The following TMC2 variants were observed in gnomAD, a reference collection of about 807,000 sequenced individuals.
TMC2 encodes the protein transmembrane channel-like protein 2.
A neutral mutation model predicts 105.9 loss-of-function variants in TMC2; 102 were observed. The observed-to-expected ratio is 0.96, with a 90% CI of 0.82 to 1.14. The LOEUF (loss-of-function observed/expected upper bound fraction) is 1.14. Among genes scored for constraint, TMC2 ranks in the 50% most tolerant of loss-of-function variants. TMC2 has a pLI of 0.00. For synonymous variants in TMC2, 402 were observed against 422.8 expected (o/e 0.95, Z 0.60); for missense variants, 1,093 against 1,134.3 (o/e 0.96, Z 0.52).
intron 6 of TMC2, among the ~76,000 whole-genome samples, chr20:2,579,444 C>A (rs189202910): frequency 5.3e-5 from 8 of 150,206 alleles, no homozygotes; most frequent in Non-Finnish European, 1.0e-4. Flanking sequence ...ATTTTTGAGA[C>A]AGAGTCTCGC....
intron 3 of TMC2, among the ~76,000 whole-genome samples, chr20:2,560,731 G>T (rs948668313): frequency 6.6e-6 from 1 of 152,010 alleles, no homozygotes; most frequent in Non-Finnish European, 1.5e-5. Flanking sequence ...CAGCTACTCC[G>T]GAGGCTAAGG....
chr20:2,619,396 A>G (rs2086508555), intron 16 of TMC2, among the ~76,000 whole-genome samples: 1 of 152,148 alleles, frequency 6.6e-6, no homozygotes, highest in Non-Finnish European at 1.5e-5. Flanking sequence ...TAGGAATAAG[A>G]GTTCCTACAT....
chr20:2,596,925 C>T (rs1474537428), intron 9 of TMC2, among the ~76,000 whole-genome samples: 1 of 152,028 alleles, frequency 6.6e-6, no homozygotes, highest in Non-Finnish European at 1.5e-5. Context: ...TTTATTACCT[C>T]ATTGATACCA....
At chr20:2,572,360 T>C (rs1020891957) in intron 5 of TMC2, 91 bp downstream of exon 5, 3 of 975,334 alleles carry the variant, frequency 3.1e-6, no homozygotes, top group Admixed American at 2.0e-5. Flanking sequence ...AGCTTCGCCA[T>C]TTGTGTCCAG....
rs6037157 is a variant in TMC2, at chr20:2,632,124, C to T, written c.2307-3802C>T. 2.4e-3 allele frequency among the ~76,000 whole-genome samples: 365 copies of T among 151,936 alleles called. 1 individual carries two copies. Among genetic ancestry groups the T allele is most frequent in the African/African-American group, 8.0e-3 (331 of 41,402 alleles). On this transcript the variant is annotated intron_variant, in intron 17 of 19. Transcript: ENST00000358864. ...GCAGCCTCCACCTCCCAGGTTCCAG[C>T]GATTCTCCTGCCTCAGCCTGTCGAG...
At position 2,558,272 on chromosome 20, in the gene TMC2, A is replaced by T; in HGVS notation, c.83-184A>T. 7.2e-7 allele frequency: 1 copy of T among 1,393,546 alleles called. No homozygotes were observed. Among genetic ancestry groups the T allele is most frequent in the Non-Finnish European group, 9.5e-7 (1 of 1,054,558 alleles). 86.3% of individuals were successfully genotyped at this position (1,393,546 alleles called of 1,614,324 possible). ...ACCTTCCTGCTTCTGCAGTTTTCTTAGTTTCCTTCAGCTTAAAATACTCAA... is the reference window on the plus strand; with the variant it reads ...ACCTTCCTGCTTCTGCAGTTTTCTTTGTTTCCTTCAGCTTAAAATACTCAA... On this transcript the variant is annotated intron_variant, in intron 2 of 19. Coordinates refer to ENST00000358864, the MANE Select transcript of TMC2 (RefSeq NM_080751.3). The surrounding 1 kb of genome is among the most constrained non-coding windows in gnomAD (Gnocchi z 4.6).
chr20:2,581,872 TG>T (rs1341580861), intron 7 of TMC2, among the ~76,000 whole-genome samples: 2 of 152,122 alleles, frequency 1.3e-5, no homozygotes, highest in Admixed American at 1.3e-4. Context: ...ACTTAGTGAT[TG>T]GTGCATTCCA....
In TMC2 at chr20:2,641,328, A is replaced by T; in HGVS notation, c.2698A>T (p.Ser900Cys). 1 of 1,613,826 alleles carries T rather than the reference A, an allele frequency of 6.2e-7. No homozygotes were observed. The highest frequency in any genetic ancestry group is 8.5e-7 in the Non-Finnish European group (1 of 1,179,760). ...THPWRSASGK[S>C]AQRPPH Reference sequence around the variant, plus strand: ...TCCGTGGAGGTCAGCCTCTGGAAAGAGTGCTCAGAGACCTCCCCACTGATG... The same window carrying T: ...TCCGTGGAGGTCAGCCTCTGGAAAGTGTGCTCAGAGACCTCCCCACTGATG... The change falls in exon 20 of 20, where the codon AGT becomes TGT. Residue 900 changes from serine to cysteine, a missense_variant. Ser to Cys is a moderately radical substitution (Grantham distance 112). Coordinates refer to ENST00000358864, the MANE Select transcript of TMC2 (RefSeq NM_080751.3).
chr20:2,588,899 G>A (rs774246152), intron 7 of TMC2, among the ~76,000 whole-genome samples: 6 of 151,764 alleles, frequency 4.0e-5, no homozygotes, highest in Non-Finnish European at 1.5e-5. Context: ...TTTTAATTTC[G>A]ATGATCACAT....
Position 2,613,211 on chromosome 20 carries a change from G to A in TMC2, c.1761G>A (p.Thr587=), listed in dbSNP as rs146684109. ...TAVGIEFMRL[T]VSDMLVTYIT... Reference sequence around the variant, plus strand: ...CTCTGCAGGAATTCATGAGGCTGACGGTGTCTGACATGCTGGTAACGTACA... The same window carrying A: ...CTCTGCAGGAATTCATGAGGCTGACAGTGTCTGACATGCTGGTAACGTACA... The change falls in exon 14 of 20, where the codon ACG becomes ACA. Residue 587 remains threonine, a synonymous_variant. Transcript: ENST00000358864. 1,614 of 1,613,488 alleles carry A rather than the reference G, an allele frequency of 1.0e-3. 3 individuals are homozygous for A. Among genetic ancestry groups the A allele is most frequent in the Admixed American group, 1.4e-3 (86 of 59,992 alleles).
intron 17 of TMC2, among the ~76,000 whole-genome samples, chr20:2,625,040 C>T (rs1395093586): frequency 3.9e-5 from 6 of 152,168 alleles, no homozygotes; most frequent in African/African-American, 1.2e-4. Context: ...CTCTGTATCC[C>T]CGGTGCCAGC....
chr20:2,549,770 CAG>C (rs1393951449), intron 2 of TMC2, among the ~76,000 whole-genome samples: 1 of 152,148 alleles, frequency 6.6e-6, no homozygotes, highest in Non-Finnish European at 1.5e-5. Flanking sequence ...CCTTTATCTT[CAG>C]AAAAACTTCT....
chr20:2,582,417 G>A (rs1163452426), intron 7 of TMC2, among the ~76,000 whole-genome samples: 1 of 152,202 alleles, frequency 6.6e-6, no homozygotes, highest in Non-Finnish European at 1.5e-5. Flanking sequence ...TAGTGAACCA[G>A]AGGGTCCAGG....
At chr20:2,590,612 A>T (rs2146209117) in intron 7 of TMC2, among the ~76,000 whole-genome samples, 1 of 152,222 alleles carries the variant, frequency 6.6e-6, no homozygotes, top group African/African-American at 2.4e-5. Flanking sequence ...AAGAAACATG[A>T]TATATCCCTA....
At chr20:2,579,323 A>G (rs989184854) in intron 6 of TMC2, 96 bp downstream of exon 6, 3 of 681,522 alleles carry the variant, frequency 4.4e-6, no homozygotes, top group Non-Finnish European at 7.7e-6. Flanking sequence ...AGATTATTTC[A>G]TTGGTTCTGT....
intron 6 of TMC2, among the ~76,000 whole-genome samples, chr20:2,579,629 G>A (rs150454072): frequency 1.1e-4 from 17 of 151,870 alleles, no homozygotes; most frequent in African/African-American, 4.1e-4. Context: ...TCATCATGTT[G>A]GCCAGGCTGG....
rs2086004991 is a variant in TMC2, at chr20:2,558,918, C to G, written c.401+144C>G. On this transcript the variant is annotated intron_variant, in intron 3 of 19. Coordinates refer to ENST00000358864, the MANE Select transcript of TMC2 (RefSeq NM_080751.3). This position sits in a 1 kb window ranked among gnomAD's most constrained non-coding sequence, Gnocchi z 4.6. ...TCGCTCTGGCTTCCGTGCCTCCCAGCCCTTACCACTGCCCCACTCTGCGGT... is the reference window on the plus strand; with the variant it reads ...TCGCTCTGGCTTCCGTGCCTCCCAGGCCTTACCACTGCCCCACTCTGCGGT... 3.7e-6 allele frequency: 3 copies of G among 810,446 alleles called. No individual in the cohort carries two copies. Among genetic ancestry groups the G allele is most frequent in the South Asian group, 3.8e-5 (2 of 52,938 alleles). The allele number at this position is 810,446 out of a possible 1,614,324, so 50.2% of individuals were successfully genotyped here.
intron 3 of TMC2, 102 bp from the exon 4 acceptor site, chr20:2,561,756 G>A (rs2086027195): frequency 2.1e-6 from 3 of 1,407,816 alleles, no homozygotes; most frequent in Non-Finnish European, 2.9e-6. Context: ...CTGAGCAGGG[G>A]AAGGGGTGCC....
In TMC2 at chr20:2,592,044, C is replaced by T. The variant is rs184865210; in HGVS notation, c.835-266C>T. Among the ~76,000 whole-genome samples the T allele has an allele frequency of 1.9e-3, 295 of 152,132 alleles. No individual in the cohort carries two copies. The highest frequency in any genetic ancestry group is 5.4e-3 in the African/African-American group (224 of 41,510). ...GCAGGCACCTGTAATCCCAGCTACT[C>T]GGGAGACTGAGGCAGGAGAATCACT... On this transcript the variant is annotated intron_variant, in intron 7 of 19. Transcript: ENST00000358864. This position sits in a 1 kb window ranked among gnomAD's most constrained non-coding sequence, Gnocchi z 4.9.
Sources: allele counts gnomAD v4.1 joint callset (sites outside exome capture counted in the v4.1 genomes callset), GRCh38; gene constraint gnomAD v4.1.1; non-coding constraint Gnocchi (gnomAD v3.1); transcripts MANE v1.5; gene names NCBI Gene and HGNC (gene_info 2026-07-23, HGNC 2026-07-21).